The following DENND1B variants were observed in gnomAD, a reference collection of about 807,000 sequenced individuals.
The protein encoded by DENND1B is DENN domain-containing protein 1B.
Under a neutral mutation model 90.1 loss-of-function variants are expected in DENND1B, and 59 were observed. The ratio of observed to expected loss-of-function variants is 0.65; its 90% CI spans 0.53 to 0.81. The LOEUF is 0.81. DENND1B is among the 40% of genes least tolerant of loss of function. DENND1B has a pLI of 0.00. For missense variants in DENND1B, 862 were observed against 912.6 expected (o/e 0.94, Z 0.71); for synonymous variants, 337 against 324.6 (o/e 1.04, Z -0.41).
Position 197,775,231 on chromosome 1 carries a change from G to A in DENND1B, c.-76C>T. On this transcript the variant is annotated 5_prime_UTR_variant, in exon 1 of 23. Coordinates refer to ENST00000620048, the MANE Select transcript of DENND1B (RefSeq NM_001195215.2). Reference sequence around the variant, plus strand: ...GAAGCCCGCAGCCCGGCCGCGCGAGGGTCGCGCCGTCCCCGCCCACGCCGG... The same window carrying A: ...GAAGCCCGCAGCCCGGCCGCGCGAGAGTCGCGCCGTCCCCGCCCACGCCGG... The A allele has an allele frequency of 8.6e-7, 1 of 1,161,728 alleles. No homozygotes were observed. The highest frequency in any genetic ancestry group is 1.1e-6 in the Non-Finnish European group (1 of 917,190). 72.0% of individuals were successfully genotyped at this position (1,161,728 alleles called of 1,614,324 possible). A position where few individuals can be genotyped will look rare whatever the true frequency, so the allele number is the denominator to read the frequency against.
chr1:197,714,460 C>A (rs1573099), intron 3 of DENND1B, among the ~76,000 whole-genome samples: 1 of 151,986 alleles, frequency 6.6e-6, no homozygotes, highest in Non-Finnish European at 1.5e-5. Context: ...TGAGGAACTA[C>A]AGAAGACTAT....
At chr1:197,595,415 C>T in intron 13 of DENND1B, 82 bp from the exon 14 acceptor site, 3 of 1,553,134 alleles carry the variant, frequency 1.9e-6, no homozygotes, top group Non-Finnish European at 1.7e-6. Context: ...AGGCAAACCA[C>T]AGTGTCTGTA....
intron 2 of DENND1B, chr1:197,734,816 C>T (rs1381600717): frequency 5.1e-6 from 5 of 983,544 alleles, no homozygotes; most frequent in Non-Finnish European, 6.0e-6. Flanking sequence ...TTTTAACCTA[C>T]AACAAACTTA....
At chr1:197,565,957 C>A (rs1672621348) in intron 15 of DENND1B, among the ~76,000 whole-genome samples, 1 of 151,286 alleles carries the variant, frequency 6.6e-6, no homozygotes, top group Non-Finnish European at 1.5e-5. Context: ...CATATGTGTG[C>A]ATGTGTCTTT....
chr1:197,649,589 G>A (rs946826210), intron 7 of DENND1B, among the ~76,000 whole-genome samples: 1 of 152,060 alleles, frequency 6.6e-6, no homozygotes, highest in African/African-American at 2.4e-5. Flanking sequence ...ACTGATCTTC[G>A]ACAAAGCAAA....
At chr1:197,640,339 G>T (rs768329412) in intron 10 of DENND1B, among the ~76,000 whole-genome samples, 11 of 151,796 alleles carry the variant, frequency 7.2e-5, no homozygotes, top group African/African-American at 1.5e-4. Context: ...TGGTTGTGGT[G>T]GCAGGCGCCT....
intron 3 of DENND1B, among the ~76,000 whole-genome samples, chr1:197,694,531 C>T (rs939450135): frequency 3.3e-5 from 5 of 151,390 alleles, no homozygotes; most frequent in African/African-American, 1.2e-4. Flanking sequence ...AGAATTGCTT[C>T]TAATTCATCA....
chr1:197,682,703 A>G (rs967229106), intron 3 of DENND1B, among the ~76,000 whole-genome samples: 1 of 152,202 alleles, frequency 6.6e-6, no homozygotes, highest in Non-Finnish European at 1.5e-5. Flanking sequence ...GCCAGGCTAC[A>G]GCATGAGGAA....
chr1:197,628,137 G>A (rs528694898), intron 10 of DENND1B, among the ~76,000 whole-genome samples: 8 of 152,204 alleles, frequency 5.3e-5, no homozygotes, highest in African/African-American at 1.9e-4. Flanking sequence ...TCCCCATAAA[G>A]CTACCAATGA....
chr1:197,678,461 T>G (rs1327859450), intron 3 of DENND1B, among the ~76,000 whole-genome samples: 1 of 152,182 alleles, frequency 6.6e-6, no homozygotes, highest in Non-Finnish European at 1.5e-5. Flanking sequence ...AAAAGATGAT[T>G]ACTTAATTTT....
chr1:197,592,257 T>G (rs1486998492), intron 14 of DENND1B, among the ~76,000 whole-genome samples: 1 of 152,066 alleles, frequency 6.6e-6, no homozygotes, highest in African/African-American at 2.4e-5. Context: ...TGAGGTTACT[T>G]AAATTCTATG....
chr1:197,773,042 G>T (rs1174641422), intron 1 of DENND1B, 110 bp from the exon 2 acceptor site: 2 of 853,046 alleles, frequency 2.3e-6, no homozygotes, highest in Non-Finnish European at 3.9e-6. Flanking sequence ...TACATTTCAC[G>T]TGACTGTATT....
intron 3 of DENND1B, among the ~76,000 whole-genome samples, chr1:197,709,966 T>C (rs1187194245): frequency 3.2e-5 from 1 of 30,864 alleles, no homozygotes; most frequent in African/African-American, 1.8e-4. Context: ...CCAACAAAGA[T>C]CAAAAGAGAC....
chr1:197,771,315 T>G (rs1313430420), intron 2 of DENND1B, among the ~76,000 whole-genome samples: 1 of 152,218 alleles, frequency 6.6e-6, no homozygotes, highest in Non-Finnish European at 1.5e-5. Context: ...AGAATAGAAT[T>G]AAATTGGAGC....
At chr1:197,743,767 G>T (rs1663436356) in intron 2 of DENND1B, among the ~76,000 whole-genome samples, 1 of 152,136 alleles carries the variant, frequency 6.6e-6, no homozygotes, top group South Asian at 2.1e-4. Flanking sequence ...AGGACTGCTT[G>T]AGCCCAGGTG....
intron 20 of DENND1B, among the ~76,000 whole-genome samples, chr1:197,534,838 G>A (rs1390522992): frequency 6.6e-6 from 1 of 152,112 alleles, no homozygotes; most frequent in Non-Finnish European, 1.5e-5. Flanking sequence ...AATATACTCA[G>A]ATACCAATAT....
Position 197,540,954 on chromosome 1 carries a change from C to T in DENND1B, c.1407+5G>A. ...GTAAAATGGAAAAAAATGAATATGA[C>T]ATACCTTGTGTTTTAGTTTACTCTT... On this transcript the variant is annotated splice_donor_5th_base_variant and intron_variant, in intron 19 of 22. Transcript: ENST00000620048. 1 of 1,610,402 alleles carries T rather than the reference C, an allele frequency of 6.2e-7. No homozygotes were observed. The highest frequency in any genetic ancestry group is 8.5e-7 in the Non-Finnish European group (1 of 1,178,018).
intron 2 of DENND1B, chr1:197,746,744 G>A: frequency 8.5e-7 from 1 of 1,176,162 alleles, no homozygotes; most frequent in Non-Finnish European, 1.3e-6. Flanking sequence ...AAGCACTCTG[G>A]CAAGTTATGC....
At chr1:197,719,699 G>A (rs1445882956) in intron 2 of DENND1B, among the ~76,000 whole-genome samples, 1 of 152,114 alleles carries the variant, frequency 6.6e-6, no homozygotes, top group Non-Finnish European at 1.5e-5. Context: ...GGATTCTGTC[G>A]GGGTGAGGTT....
Sources: gnomAD v4.1 joint callset for allele counts (sites outside exome capture counted in the v4.1 genomes callset) on GRCh38, gnomAD v4.1.1 for gene constraint, MANE v1.5 for transcripts, NCBI Gene and HGNC (gene_info 2026-07-23, HGNC 2026-07-21) for gene names.